Variants in PLA2G4E observed in about 807,000 individuals in gnomAD.
The protein encoded by PLA2G4E is cytosolic phospholipase A2 epsilon.
In PLA2G4E, 84 loss-of-function variants were observed where a neutral mutation model predicts 109.1. That is an observed-to-expected ratio of 0.77 (90% CI 0.65 to 0.92). The LOEUF (loss-of-function observed/expected upper bound fraction) is 0.92, where lower values mean the gene tolerates loss of function less well. PLA2G4E is among the 40% of genes least tolerant of loss of function. PLA2G4E has a pLI of 0.00. For synonymous variants in PLA2G4E, 469 were observed against 436.1 expected (o/e 1.08, Z -0.94); for missense variants, 1,057 against 1,076.6 (o/e 0.98, Z 0.25).
chr15:42,038,057 A>C (rs1178191405), intron 1 of PLA2G4E, among the ~76,000 whole-genome samples: 1 of 152,192 alleles, frequency 6.6e-6, no homozygotes, highest in Non-Finnish European at 1.5e-5. Flanking sequence ...TGACACCCCA[A>C]AGATCCCATA....
At position 42,022,796 on chromosome 15, in the gene PLA2G4E, G is replaced by T. The variant is rs117735412; in HGVS notation, c.184-9039C>A. ...CCAAACAGGCCACGGACTGGTACTG[G>T]TCTGTGGCCAGGGGGTTGGGGGCCC... On this transcript the variant is annotated intron_variant, in intron 1 of 19. Coordinates refer to ENST00000399518, the Ensembl canonical transcript of PLA2G4E. 2.0e-5 allele frequency among the ~76,000 whole-genome samples: 3 copies of T among 152,288 alleles called. No individual in the cohort carries two copies. In the South Asian group the frequency reaches 6.2e-4, roughly 32 times the overall value.
chr15:42,024,979 T>C (rs2068680646), intron 1 of PLA2G4E, among the ~76,000 whole-genome samples: 1 of 151,942 alleles, frequency 6.6e-6, no homozygotes. Context: ...GGTGGGTGGA[T>C]CACGAGGTCA....
At chr15:42,024,399 CT>C (rs1344266011) in intron 1 of PLA2G4E, among the ~76,000 whole-genome samples, 3 of 152,226 alleles carry the variant, frequency 2.0e-5, no homozygotes, top group Non-Finnish European at 4.4e-5. Flanking sequence ...CTCAGATCCC[CT>C]GGGCTACTTG....
At chr15:42,022,783 C>T (rs931135166) in intron 1 of PLA2G4E, among the ~76,000 whole-genome samples, 5 of 152,258 alleles carry the variant, frequency 3.3e-5, no homozygotes, top group Admixed American at 1.3e-4. Context: ...AAACAGGCCA[C>T]GGACTGGTAC....
At chr15:41,985,778 CTG>C in intron 18 of PLA2G4E, 59 bp downstream of exon 18, 1 of 1,538,426 alleles carries the variant, frequency 6.5e-7, no homozygotes, top group Non-Finnish European at 8.8e-7. Flanking sequence ...AGGCCACTGA[CTG>C]CGGGGCCCAT....
intron 1 of PLA2G4E, 75 bp from the exon 2 acceptor site, chr15:42,013,832 G>A (rs1021633515): frequency 1.5e-4 from 190 of 1,231,662 alleles, no homozygotes; most frequent in Admixed American, 2.3e-4. Flanking sequence ...AGACTTTCCC[G>A]CTATGCCTCC....
At chr15:42,038,381 T>C (rs1438300174) in intron 1 of PLA2G4E, among the ~76,000 whole-genome samples, 1 of 152,240 alleles carries the variant, frequency 6.6e-6, no homozygotes, top group Non-Finnish European at 1.5e-5. Flanking sequence ...CAACTCACCA[T>C]AATGTAGAAT....
At chr15:41,993,361 G>A (rs1452725893) in intron 12 of PLA2G4E, among the ~76,000 whole-genome samples, 7 of 152,176 alleles carry the variant, frequency 4.6e-5, no homozygotes, top group African/African-American at 1.4e-4. Context: ...GCTTCACAGA[G>A]TTCTGGTGAA....
intron 1 of PLA2G4E, among the ~76,000 whole-genome samples, chr15:42,049,704 C>T (rs1455294423): frequency 6.6e-6 from 1 of 152,138 alleles, no homozygotes; most frequent in Admixed American, 6.5e-5. Flanking sequence ...GCCAGTTCTC[C>T]CTGTAAGCCA....
chr15:41,984,162 C>T (rs1336064013), intron 19 of PLA2G4E, among the ~76,000 whole-genome samples, 188 bp from the exon 20 acceptor site: 1 of 152,200 alleles, frequency 6.6e-6, no homozygotes. Context: ...GTGGTGCAGG[C>T]TTGCCCATTG....
chr15:42,039,401 G>T (rs570340934), intron 1 of PLA2G4E, among the ~76,000 whole-genome samples: 13 of 152,146 alleles, frequency 8.5e-5, no homozygotes, highest in Non-Finnish European at 1.8e-4. Flanking sequence ...ACTATAGAGA[G>T]AATGTACCAA....
At chr15:42,044,702 T>C (rs1889381153) in intron 1 of PLA2G4E, among the ~76,000 whole-genome samples, 1 of 149,354 alleles carries the variant, frequency 6.7e-6, no homozygotes, top group Admixed American at 6.6e-5. Context: ...AGTTAATGAG[T>C]GCAGCACACC....
chr15:42,041,566 G>C (rs1260602192), intron 1 of PLA2G4E, among the ~76,000 whole-genome samples: 1 of 152,164 alleles, frequency 6.6e-6, no homozygotes, highest in East Asian at 1.9e-4. Flanking sequence ...ATGAACTAAA[G>C]AGACCTCCCC....
At chr15:42,047,069 A>G (rs1889429108) in intron 1 of PLA2G4E, among the ~76,000 whole-genome samples, 1 of 152,220 alleles carries the variant, frequency 6.6e-6, no homozygotes, top group Admixed American at 6.5e-5. Flanking sequence ...TGAGTGTCTC[A>G]GTCCATTTTA....
intron 1 of PLA2G4E, among the ~76,000 whole-genome samples, chr15:42,036,891 G>A (rs902344873): frequency 3.9e-5 from 6 of 152,200 alleles, no homozygotes; most frequent in African/African-American, 1.4e-4. Flanking sequence ...TGCAGGCTTG[G>A]AAGTGCCTGC....
At chr15:42,008,347 C>A (rs1160196579) in intron 2 of PLA2G4E, among the ~76,000 whole-genome samples, 1 of 152,190 alleles carries the variant, frequency 6.6e-6, no homozygotes, top group African/African-American at 2.4e-5. Flanking sequence ...AGAGGAAGGG[C>A]CCCAGTGGGC....
chr15:42,029,350 C>T (rs1229690884), intron 1 of PLA2G4E, among the ~76,000 whole-genome samples: 2 of 152,212 alleles, frequency 1.3e-5, no homozygotes, highest in Non-Finnish European at 2.9e-5. Flanking sequence ...CCCACCTCAG[C>T]GTCCCAAAGT....
intron 1 of PLA2G4E, among the ~76,000 whole-genome samples, chr15:42,014,516 C>T (rs1475042818): frequency 6.6e-6 from 1 of 152,202 alleles, no homozygotes; most frequent in African/African-American, 2.4e-5. Flanking sequence ...GGCAAGATGG[C>T]AGCCTGCTTG....
intron 1 of PLA2G4E, among the ~76,000 whole-genome samples, chr15:42,018,248 C>T (rs544770868): frequency 4.7e-4 from 72 of 152,300 alleles, no homozygotes; most frequent in African/African-American, 1.7e-3. Context: ...AAGATGCAAT[C>T]GAGCAAAGCA....
Sources: allele counts gnomAD v4.1 joint callset (sites outside exome capture counted in the v4.1 genomes callset), GRCh38; gene constraint gnomAD v4.1.1; transcripts MANE v1.5; gene names NCBI Gene and HGNC (gene_info 2026-07-23, HGNC 2026-07-21).